The following NPSR1 variants were observed in gnomAD, a reference collection of about 807,000 sequenced individuals.
The protein encoded by NPSR1 is neuropeptide S receptor.
NPSR1 carries 48 observed loss-of-function variants against 46.9 expected under a neutral mutation model. The ratio of observed to expected loss-of-function variants is 1.02; its 90% CI spans 0.81 to 1.30. The LOEUF (loss-of-function observed/expected upper bound fraction) is 1.30, where lower values mean the gene tolerates loss of function less well. NPSR1 is among the 50% of genes most tolerant of loss of function. The pLI is 0.00. For synonymous variants in NPSR1, 176 were observed against 168.1 expected (o/e 1.05, Z -0.36); for missense variants, 450 against 449.5 (o/e 1.00, Z -0.01).
intron 3 of NPSR1, among the ~76,000 whole-genome samples, chr7:34,786,244 AC>A (rs1394440446): frequency 6.6e-6 from 1 of 152,154 alleles, no homozygotes; most frequent in Non-Finnish European, 1.5e-5. Context: ...CAGCATTATC[AC>A]CAAGAGTAGA....
intron 2 of NPSR1, among the ~76,000 whole-genome samples, chr7:34,740,928 C>T (rs981236984): frequency 7.9e-5 from 12 of 152,150 alleles, no homozygotes; most frequent in East Asian, 1.9e-4. Flanking sequence ...TCCTGTCCAC[C>T]GTGAGCCTCT....
intron 2 of NPSR1, among the ~76,000 whole-genome samples, chr7:34,771,357 T>C (rs1453288087): frequency 1.3e-5 from 2 of 152,140 alleles, no homozygotes; most frequent in African/African-American, 4.8e-5. Context: ...AGAGGATCAC[T>C]TGATCCTGGG....
chr7:34,795,003 C>A (rs1254766652), intron 3 of NPSR1, among the ~76,000 whole-genome samples: 2 of 152,056 alleles, frequency 1.3e-5, no homozygotes, highest in African/African-American at 4.8e-5. Flanking sequence ...TGTGCCACTG[C>A]ACTCCAGCCT....
intron 3 of NPSR1, among the ~76,000 whole-genome samples, chr7:34,796,145 A>G (rs1788160498): frequency 6.6e-6 from 1 of 152,146 alleles, no homozygotes; most frequent in African/African-American, 2.4e-5. Flanking sequence ...CAATGGAGAA[A>G]AGGTCATAAT....
At chr7:34,682,501 G>C (rs923748726) in intron 1 of NPSR1, among the ~76,000 whole-genome samples, 1 of 152,148 alleles carries the variant, frequency 6.6e-6, no homozygotes, top group African/African-American at 2.4e-5. Context: ...CCTTCTGATG[G>C]AGACTTCCAA....
At chr7:34,806,351 T>C (rs1329024046) in intron 3 of NPSR1, among the ~76,000 whole-genome samples, 1 of 152,096 alleles carries the variant, frequency 6.6e-6, no homozygotes, top group Non-Finnish European at 1.5e-5. Flanking sequence ...AAATGGGCTA[T>C]CCAGCCATGA....
At chr7:34,748,260 C>G (rs1014843465) in intron 2 of NPSR1, among the ~76,000 whole-genome samples, 4 of 152,176 alleles carry the variant, frequency 2.6e-5, no homozygotes, top group African/African-American at 9.7e-5. Flanking sequence ...TCTAAGCATT[C>G]GCATAATATC....
rs184396774 is a variant in NPSR1 at position 34,682,245 on chromosome 7, A to T, written c.148-2307A>T. Among the ~76,000 whole-genome samples, 6 of 152,324 alleles carry T rather than the reference A, an allele frequency of 3.9e-5. No homozygotes were observed. The East Asian group carries it at 1.2e-3, about 29-fold the overall frequency. On this transcript the variant is annotated intron_variant, in intron 1 of 8. Coordinates refer to ENST00000360581, the MANE Select transcript of NPSR1 (RefSeq NM_207172.2). Reference sequence around the variant, plus strand: ...AGGGCTGGCCCAGAACCTGTGTCACAGCACTGCCCTGGGCCATTCACACCA... The same window carrying T: ...AGGGCTGGCCCAGAACCTGTGTCACTGCACTGCCCTGGGCCATTCACACCA...
chr7:34,703,002 G>A (rs1272459938), intron 2 of NPSR1, among the ~76,000 whole-genome samples: 1 of 152,180 alleles, frequency 6.6e-6, no homozygotes, highest in African/African-American at 2.4e-5. Flanking sequence ...GGTTTTTTGA[G>A]AGCAGAGATT....
At chr7:34,789,967 T>A (rs1333384046) in intron 3 of NPSR1, among the ~76,000 whole-genome samples, 2 of 151,962 alleles carry the variant, frequency 1.3e-5, no homozygotes, top group Non-Finnish European at 2.9e-5. Flanking sequence ...CTAATAGCAA[T>A]CTTTCTCAAA....
intron 2 of NPSR1, among the ~76,000 whole-genome samples, chr7:34,689,131 C>T (rs1205192252): frequency 6.6e-6 from 1 of 152,188 alleles, no homozygotes; most frequent in Admixed American, 6.5e-5. Flanking sequence ...TCTTGGCCCC[C>T]ACTCCAGAAC....
chr7:34,849,365 C>T (rs1357520166), intron 8 of NPSR1, 200 bp from the exon 9 acceptor site: 1 of 1,551,752 alleles, frequency 6.4e-7, no homozygotes, highest in East Asian at 2.4e-5. Flanking sequence ...ATGTCTCTGT[C>T]CTCTGGGCTC....
intron 6 of NPSR1, among the ~76,000 whole-genome samples, chr7:34,840,200 C>T (rs1362487793): frequency 6.6e-6 from 1 of 152,078 alleles, no homozygotes; most frequent in Non-Finnish European, 1.5e-5. Flanking sequence ...CAGCCATGCC[C>T]AGCTAATGGG....
chr7:34,710,600 A>G (rs1218197980), intron 2 of NPSR1, among the ~76,000 whole-genome samples: 1 of 152,212 alleles, frequency 6.6e-6, no homozygotes, highest in African/African-American at 2.4e-5. Context: ...AGAAGTATGC[A>G]GTGTTTTCAG....
chr7:34,798,898 G>C (rs1788328291), intron 3 of NPSR1, among the ~76,000 whole-genome samples: 1 of 152,238 alleles, frequency 6.6e-6, no homozygotes, highest in Non-Finnish European at 1.5e-5. Flanking sequence ...GATATCTCAA[G>C]AAATATTTTG....
chr7:34,793,513 C>T (rs1788034859), intron 3 of NPSR1, among the ~76,000 whole-genome samples: 1 of 151,992 alleles, frequency 6.6e-6, no homozygotes, highest in African/African-American at 2.4e-5. Flanking sequence ...AAATCCAAAC[C>T]ACAGTAAGAT....
chr7:34,784,114 T>A (rs944875072), intron 3 of NPSR1, among the ~76,000 whole-genome samples: 1 of 152,180 alleles, frequency 6.6e-6, no homozygotes, highest in South Asian at 2.1e-4. Context: ...AGATATACAA[T>A]CATGTCATCT....
chr7:34,688,130 A>G (rs1336678896), intron 2 of NPSR1, among the ~76,000 whole-genome samples: 1 of 152,216 alleles, frequency 6.6e-6, no homozygotes, highest in East Asian at 1.9e-4. Context: ...CCAAAAAATT[A>G]AATACAACCC....
chr7:34,717,360 G>T (rs916739017), intron 2 of NPSR1, among the ~76,000 whole-genome samples: 3 of 152,182 alleles, frequency 2.0e-5, no homozygotes, highest in African/African-American at 7.2e-5. Context: ...TCAAACTCCC[G>T]ATCTCAGGTG....
Sources: allele counts gnomAD v4.1 joint callset (sites outside exome capture counted in the v4.1 genomes callset), GRCh38; gene constraint gnomAD v4.1.1; transcripts MANE v1.5; gene names NCBI Gene and HGNC (gene_info 2026-07-23, HGNC 2026-07-21).